Variants in DYNC1I1 observed in about 807,000 individuals in gnomAD.
DYNC1I1 encodes cytoplasmic dynein 1 intermediate chain 1.
Under a neutral mutation model 86.6 loss-of-function variants are expected in DYNC1I1, and 43 were observed. The observed-to-expected ratio is 0.50, with a 90% CI of 0.39 to 0.64. The LOEUF (loss-of-function observed/expected upper bound fraction) is 0.64. DYNC1I1 is among the 30% of genes least tolerant of loss of function. DYNC1I1 has a pLI of 0.00. For synonymous variants in DYNC1I1, 262 were observed against 283.7 expected (o/e 0.92, Z 0.77); for missense variants, 604 against 788.8 (o/e 0.77, Z 2.81).
intron 16 of DYNC1I1, among the ~76,000 whole-genome samples, chr7:96,095,645 G>A (rs1375805900): frequency 2.0e-5 from 3 of 151,990 alleles, no homozygotes; most frequent in South Asian, 2.1e-4. Context: ...CTCTTCTTGG[G>A]CTTTTGTTTC....
chr7:95,953,052 AT>A (rs1211381472), intron 6 of DYNC1I1, among the ~76,000 whole-genome samples: 1 of 150,270 alleles, frequency 6.7e-6, no homozygotes, highest in Non-Finnish European at 1.5e-5. Context: ...GTAGGTCCAT[AT>A]CTTAACTAGT....
At chr7:95,963,341 T>C (rs1171709634) in intron 6 of DYNC1I1, among the ~76,000 whole-genome samples, 1 of 152,236 alleles carries the variant, frequency 6.6e-6, no homozygotes, top group Non-Finnish European at 1.5e-5. Context: ...CCAAATTCTT[T>C]GGCTTCAAGC....
chr7:96,089,163 A>C (rs2116306554), intron 16 of DYNC1I1, among the ~76,000 whole-genome samples: 1 of 145,636 alleles, frequency 6.9e-6, no homozygotes, highest in East Asian at 2.0e-4. Context: ...TTTAAAAAAA[A>C]AAAAAGTTAC....
chr7:95,813,402 A>C, intron 4 of DYNC1I1, 65 bp downstream of exon 4: 3 of 1,500,382 alleles, frequency 2.0e-6, no homozygotes, highest in Non-Finnish European at 2.7e-6. Flanking sequence ...AACAGCAACA[A>C]CACCACTGTT....
intron 5 of DYNC1I1, among the ~76,000 whole-genome samples, chr7:95,861,757 C>T: frequency 6.6e-6 from 1 of 152,106 alleles, no homozygotes; most frequent in East Asian, 1.9e-4. Flanking sequence ...TAGTGACGCT[C>T]TTGCTAGTGG....
chr7:95,774,971 A>G (rs1342211356), intron 1 of DYNC1I1, among the ~76,000 whole-genome samples: 1 of 152,128 alleles, frequency 6.6e-6, no homozygotes, highest in East Asian at 1.9e-4. Context: ...ATATTCCTTC[A>G]TTACTTTATT....
rs73393068 is a variant in DYNC1I1, at chr7:95,951,057, A to G, written c.491-26455A>G. On this transcript the variant is annotated intron_variant, in intron 6 of 16. Transcript: ENST00000447467. ...GGTGTATTTTGGTGTCAATGATTATACCATTAAAGTTTTCATAAATATCTT... is the reference window on the plus strand; with the variant it reads ...GGTGTATTTTGGTGTCAATGATTATGCCATTAAAGTTTTCATAAATATCTT... Among the ~76,000 whole-genome samples, 332 of 152,350 alleles carry G rather than the reference A, an allele frequency of 2.2e-3. 3 individuals carry two copies. Among genetic ancestry groups the G allele is most frequent in the African/African-American group, 7.7e-3 (322 of 41,578 alleles).
intron 1 of DYNC1I1, among the ~76,000 whole-genome samples, chr7:95,789,912 T>G (rs1794248968): frequency 6.6e-6 from 1 of 152,246 alleles, no homozygotes; most frequent in Admixed American, 6.5e-5. Flanking sequence ...AAAACAAGTT[T>G]CTTACCATGT....
intron 6 of DYNC1I1, among the ~76,000 whole-genome samples, chr7:95,965,472 C>T (rs1792986069): frequency 6.6e-6 from 1 of 152,166 alleles, no homozygotes; most frequent in South Asian, 2.1e-4. Flanking sequence ...ATTTTGTCAT[C>T]AATAATAACA....
chr7:96,002,455 T>C (rs1794034970), intron 10 of DYNC1I1, among the ~76,000 whole-genome samples: 1 of 152,200 alleles, frequency 6.6e-6, no homozygotes, highest in African/African-American at 2.4e-5. Flanking sequence ...AATTATAATT[T>C]GGATTCTACC....
chr7:95,924,405 A>G (rs10273300), intron 6 of DYNC1I1, among the ~76,000 whole-genome samples: 26,677 of 152,150 alleles, frequency 0.18, 2,469 homozygotes, highest in South Asian at 0.33. Flanking sequence ...AAAATATGTC[A>G]ATAATTTTTA....
intron 6 of DYNC1I1, among the ~76,000 whole-genome samples, chr7:95,960,428 G>A (rs1179381145): frequency 6.6e-6 from 1 of 152,100 alleles, no homozygotes; most frequent in Non-Finnish European, 1.5e-5. Context: ...TTTTAAGCAG[G>A]GAGATGGCAT....
chr7:95,965,350 T>G (rs530215663), intron 6 of DYNC1I1, among the ~76,000 whole-genome samples: 3 of 152,316 alleles, frequency 2.0e-5, no homozygotes, highest in Non-Finnish European at 2.9e-5. Context: ...GGCACCAGTG[T>G]GGACACAGTT....
intron 6 of DYNC1I1, among the ~76,000 whole-genome samples, chr7:95,941,532 G>A (rs1186464305): frequency 6.6e-6 from 1 of 152,162 alleles, no homozygotes; most frequent in Non-Finnish European, 1.5e-5. Flanking sequence ...CAGCCTCACT[G>A]CCACCTTGCA....
intron 14 of DYNC1I1, among the ~76,000 whole-genome samples, chr7:96,072,085 A>C (rs1279615261): frequency 6.6e-6 from 1 of 152,204 alleles, no homozygotes; most frequent in Non-Finnish European, 1.5e-5. Context: ...TACTTTACAG[A>C]GATTTTATGC....
intron 1 of DYNC1I1, among the ~76,000 whole-genome samples, chr7:95,788,804 C>G (rs1794215892): frequency 6.6e-6 from 1 of 152,096 alleles, no homozygotes; most frequent in Admixed American, 6.6e-5. Flanking sequence ...ATTGCAGTAC[C>G]ATTCAATAAA....
intron 14 of DYNC1I1, among the ~76,000 whole-genome samples, chr7:96,059,066 GGTTA>G (rs1399668879): frequency 4.6e-5 from 7 of 152,056 alleles, no homozygotes; most frequent in African/African-American, 1.7e-4. Flanking sequence ...ACGACCTTCT[GGTTA>G]CAACATTTTC....
chr7:95,958,072 G>T (rs1257676395), intron 6 of DYNC1I1, among the ~76,000 whole-genome samples: 1 of 152,130 alleles, frequency 6.6e-6, no homozygotes, highest in Non-Finnish European at 1.5e-5. Context: ...AGGATATTTA[G>T]CAGCATCTCT....
chr7:95,863,728 A>G (rs1053565858), intron 5 of DYNC1I1, among the ~76,000 whole-genome samples: 2 of 152,212 alleles, frequency 1.3e-5, no homozygotes, highest in Non-Finnish European at 1.5e-5. Context: ...GGCACAAAAC[A>G]GTGCCTCTCC....
Sources: allele counts gnomAD v4.1 joint callset (sites outside exome capture counted in the v4.1 genomes callset), GRCh38; gene constraint gnomAD v4.1.1; transcripts MANE v1.5; gene names NCBI Gene and HGNC (gene_info 2026-07-23, HGNC 2026-07-21).